ATG14: variants seen among roughly 807,000 people sequenced by gnomAD.
ATG14 encodes the protein autophagy related 14.
A neutral mutation model predicts 60.4 loss-of-function variants in ATG14; 35 were observed. The ratio of observed to expected loss-of-function variants is 0.58; its 90% CI spans 0.44 to 0.77. ATG14 has a LOEUF of 0.77. Among genes scored for constraint, ATG14 ranks in the 30% least tolerant of loss-of-function variants. The probability of loss-of-function intolerance (pLI) is 0.00; values close to 1 mark genes in which losing one functional copy is unlikely to be tolerated. For synonymous variants in ATG14, 234 were observed against 228.8 expected (o/e 1.02, Z -0.21); for missense variants, 647 against 626.3 (o/e 1.03, Z -0.35).
intron 4 of ATG14, among the ~76,000 whole-genome samples, chr14:55,387,406 T>C (rs778692341): frequency 6.6e-6 from 1 of 152,196 alleles, no homozygotes; most frequent in Admixed American, 6.5e-5. Flanking sequence ...TTCTAAATGT[T>C]TGAATTTTAC....
chr14:55,371,556 C>T (rs892779726), intron 9 of ATG14, among the ~76,000 whole-genome samples: 2 of 152,162 alleles, frequency 1.3e-5, no homozygotes, highest in Non-Finnish European at 1.5e-5. Context: ...CCTGTAATCC[C>T]AGCACTTTGG....
intron 9 of ATG14, among the ~76,000 whole-genome samples, chr14:55,371,849 C>T (rs1348307446): frequency 6.6e-6 from 1 of 152,028 alleles, no homozygotes; most frequent in Non-Finnish European, 1.5e-5. Context: ...TAGGGGTGCT[C>T]TCAAGTTTAC....
At chr14:55,391,471 TAA>T (rs746307684) in intron 3 of ATG14, among the ~76,000 whole-genome samples, 8 of 75,776 alleles carry the variant, frequency 1.1e-4, no homozygotes, top group African/African-American at 4.0e-5. Flanking sequence ...TGAGACTCCA[TAA>T]AAAAAAAAAA....
chr14:55,409,014 T>C (rs1323739397), intron 1 of ATG14, among the ~76,000 whole-genome samples: 2 of 152,178 alleles, frequency 1.3e-5, no homozygotes, highest in Admixed American at 1.3e-4. Context: ...TACATTTCTA[T>C]TGTGGCTGCT....
In ATG14 at chr14:55,366,640, T is replaced by G. The variant is rs1452903497; in HGVS notation, c.*2979A>C. 3.0e-5 allele frequency: 3 copies of G among 98,830 alleles called. No homozygotes were observed. The highest frequency in any genetic ancestry group is 1.6e-4 in the Admixed American group (2 of 12,518). The allele number at this position is 98,830 out of a possible 1,614,324, so 6.1% of individuals were successfully genotyped here. ...TCCCCCTTACAGATGTGCAAAACTTTTCTTATATTCCATAACCAAAAAATG... is the reference window on the plus strand; with the variant it reads ...TCCCCCTTACAGATGTGCAAAACTTGTCTTATATTCCATAACCAAAAAATG... On this transcript the variant is annotated 3_prime_UTR_variant, in exon 10 of 10. Coordinates refer to ENST00000247178, the MANE Select transcript of ATG14 (RefSeq NM_014924.5).
intron 1 of ATG14, among the ~76,000 whole-genome samples, chr14:55,399,817 G>A (rs1397131398): frequency 2.0e-5 from 3 of 152,228 alleles, no homozygotes; most frequent in African/African-American, 7.2e-5. Flanking sequence ...TTTGAGGTCT[G>A]TTGTAAAAAT....
At chr14:55,385,794 G>T in intron 5 of ATG14, 65 bp downstream of exon 5, 1 of 1,304,802 alleles carries the variant, frequency 7.7e-7, no homozygotes, top group South Asian at 1.4e-5. Context: ...ATAAGGTAAT[G>T]ACATACTTTA....
chr14:55,380,686 CATGT>C lies in ATG14; in HGVS notation c.878_881del (p.Asp293GlyfsTer30). 6.3e-7 allele frequency: 1 copy of C among 1,595,250 alleles called. No homozygotes were observed. The highest frequency in any genetic ancestry group is 8.5e-7 in the Non-Finnish European group (1 of 1,171,038). On this transcript the variant is annotated frameshift_variant and splice_region_variant, in exon 7 of 10. Transcript: ENST00000247178. LOFTEE classifies it high-confidence loss of function. Reference sequence around the variant, plus strand: ...TGGTGTAGGCAGGGTTACTCTGCTCCATGTCTGCAGTAAGAAAACAACCACCATG... The same window carrying C: ...TGGTGTAGGCAGGGTTACTCTGCTCCCTGCAGTAAGAAAACAACCACCATG...
chr14:55,392,331 T>TA, intron 3 of ATG14, among the ~76,000 whole-genome samples: 1 of 152,048 alleles, frequency 6.6e-6, no homozygotes, highest in Non-Finnish European at 1.5e-5. Flanking sequence ...ACCCCTGCCT[T>TA]AAAGTGAACA....
intron 7 of ATG14, among the ~76,000 whole-genome samples, chr14:55,378,952 C>T (rs1884977344): frequency 6.6e-6 from 1 of 152,092 alleles, no homozygotes; most frequent in Non-Finnish European, 1.5e-5. Context: ...AAGTGATCCT[C>T]CTGCCTCAGC....
intron 3 of ATG14, 33 bp downstream of exon 3, chr14:55,395,907 C>A (rs770862657): frequency 4.1e-6 from 6 of 1,467,938 alleles, no homozygotes; most frequent in Non-Finnish European, 3.6e-6. Context: ...AAACATGTAG[C>A]CTCAAGTAAA....
chr14:55,383,968 C>T (rs969697862), intron 5 of ATG14, among the ~76,000 whole-genome samples: 1 of 152,164 alleles, frequency 6.6e-6, no homozygotes, highest in Non-Finnish European at 1.5e-5. Flanking sequence ...AGTTTAGATT[C>T]TGTCCTCTTG....
At position 55,398,288 on chromosome 14, in the gene ATG14, T is replaced by C. The variant is rs375591079; in HGVS notation, c.222-854A>G. On this transcript the variant is annotated intron_variant, in intron 1 of 9. Coordinates refer to ENST00000247178, the MANE Select transcript of ATG14 (RefSeq NM_014924.5). The stretch of plus-strand genomic sequence containing the variant: ...TCTATTTGCCAGTTTTCTATCTTTA[T>C]TTTCTTCTTGCCAACTTACTTGGGT... Among the ~76,000 whole-genome samples, 4 of 152,190 alleles carry C rather than the reference T, an allele frequency of 2.6e-5. No individual in the cohort carries two copies. In the East Asian group the frequency reaches 7.7e-4, roughly 29 times the overall value.
Position 55,369,924 on chromosome 14 carries a change from A to G in ATG14, c.1174T>C (p.Ser392Pro). The G allele has an allele frequency of 6.3e-7, 1 of 1,597,574 alleles. No individual in the cohort carries two copies. ...VSPSSEHLGR[S>P]GPFEVRADLE... ...TCTGCTCGTACTTCAAAGGGCCCTGACCTGTGTGCAGACAATGAGGGTCTC... is the reference window on the plus strand; with the variant it reads ...TCTGCTCGTACTTCAAAGGGCCCTGGCCTGTGTGCAGACAATGAGGGTCTC... Residue 392 changes from serine (S) to proline (P), a missense_variant and splice_region_variant, in exon 10 of 10, where the codon TCA becomes CCA. By Grantham distance (74) the Ser-to-Pro change is moderately conservative (BLOSUM62 -1). Coordinates refer to ENST00000247178, the MANE Select transcript of ATG14 (RefSeq NM_014924.5).
intron 9 of ATG14, among the ~76,000 whole-genome samples, chr14:55,371,577 C>T (rs180937979): frequency 3.2e-4 from 48 of 151,916 alleles, no homozygotes; most frequent in Admixed American, 2.8e-3. Context: ...GAGGCTGCGG[C>T]GGGCAGATCA....
chr14:55,394,893 C>A, intron 3 of ATG14: 1 of 366,334 alleles, frequency 2.7e-6, no homozygotes, highest in Non-Finnish European at 5.3e-6. Context: ...ACTCAATATC[C>A]CACACTGTCT....
intron 4 of ATG14, among the ~76,000 whole-genome samples, 155 bp downstream of exon 4, chr14:55,390,756 T>C (rs1035489808): frequency 2.0e-5 from 3 of 152,224 alleles, no homozygotes; most frequent in Non-Finnish European, 2.9e-5. Flanking sequence ...CTTATACAAA[T>C]GTTTTACAAG....
chr14:55,395,599 A>G (rs550966308), intron 3 of ATG14, among the ~76,000 whole-genome samples: 1 of 152,358 alleles, frequency 6.6e-6, no homozygotes, highest in African/African-American at 2.4e-5. Context: ...AAGATTATGT[A>G]AATAGCCACC....
At chr14:55,378,139 AT>A (rs1884956494) in intron 7 of ATG14, 65 bp from the exon 8 acceptor site, 1 of 1,404,764 alleles carries the variant, frequency 7.1e-7, no homozygotes, top group Non-Finnish European at 1.0e-6. Context: ...TAAAATTTCC[AT>A]TTACAGTACA....
Sources: allele counts gnomAD v4.1 joint callset (sites outside exome capture counted in the v4.1 genomes callset), GRCh38; gene constraint gnomAD v4.1.1; transcripts MANE v1.5; gene names NCBI Gene and HGNC (gene_info 2026-07-23, HGNC 2026-07-21).